SIPA1L1: variants seen among roughly 807,000 people sequenced by gnomAD.
SIPA1L1 encodes signal induced proliferation associated 1 like 1.
A neutral mutation model predicts 162.7 loss-of-function variants in SIPA1L1; 26 were observed. That is an observed-to-expected ratio of 0.16 (90% CI 0.12 to 0.22). The LOEUF is 0.22. Among genes scored for constraint, SIPA1L1 ranks in the 10% least tolerant of loss-of-function variants. The pLI is 1.00. For missense variants in SIPA1L1, 1,874 were observed against 2,241.0 expected, an observed-to-expected ratio of 0.84 and a Z score of 3.31; for synonymous variants, 829 against 837.4, an observed-to-expected ratio of 0.99 and a Z score of 0.17.
intron 4 of SIPA1L1, among the ~76,000 whole-genome samples, chr14:71,536,969 A>T (rs1328038048): frequency 6.6e-6 from 1 of 152,132 alleles, no homozygotes; most frequent in Non-Finnish European, 1.5e-5. Context: ...TGGAATATTT[A>T]GATTTTGTAT....
intron 2 of SIPA1L1, among the ~76,000 whole-genome samples, chr14:71,325,150 C>G (rs1415438447): frequency 6.6e-6 from 1 of 152,126 alleles, no homozygotes; most frequent in Admixed American, 6.5e-5. Flanking sequence ...TTCCACTATC[C>G]CTTGAGACTG....
At chr14:71,406,955 A>G (rs913030430) in intron 2 of SIPA1L1, among the ~76,000 whole-genome samples, 1 of 152,310 alleles carries the variant, frequency 6.6e-6, no homozygotes, top group East Asian at 1.9e-4. Flanking sequence ...GAAAGTAACT[A>G]AAGTAGCTGG....
chr14:71,668,832 A>T (rs2044258664), intron 10 of SIPA1L1, among the ~76,000 whole-genome samples: 1 of 152,244 alleles, frequency 6.6e-6, no homozygotes, highest in African/African-American at 2.4e-5. Context: ...TAATATACAT[A>T]CAGCCAAGCA....
At chr14:71,563,809 G>C (rs1245478545) in intron 4 of SIPA1L1, among the ~76,000 whole-genome samples, 1 of 152,130 alleles carries the variant, frequency 6.6e-6, no homozygotes, top group Non-Finnish European at 1.5e-5. Flanking sequence ...GCAATCTTAG[G>C]CAGTGGTCCT....
At chr14:71,451,019 T>A (rs2045778859) in intron 2 of SIPA1L1, among the ~76,000 whole-genome samples, 1 of 152,104 alleles carries the variant, frequency 6.6e-6, no homozygotes, top group Admixed American at 6.5e-5. Flanking sequence ...TAATAACAGA[T>A]CTGTGGGTAA....
At chr14:71,453,967 C>T (rs1400624867) in intron 2 of SIPA1L1, among the ~76,000 whole-genome samples, 1 of 142,260 alleles carries the variant, frequency 7.0e-6, no homozygotes, top group African/African-American at 2.7e-5. Flanking sequence ...GCACTCCCCT[C>T]CAGCCTGGGT....
intron 4 of SIPA1L1, among the ~76,000 whole-genome samples, chr14:71,579,730 G>T (rs1398822179): frequency 6.6e-6 from 1 of 152,104 alleles, no homozygotes; most frequent in African/African-American, 2.4e-5. Context: ...ATAATAGTTT[G>T]GATATTATGT....
At chr14:71,586,787 A>AG (rs2034666825) in intron 4 of SIPA1L1, 1 of 152,172 alleles carries the variant, frequency 6.6e-6, no homozygotes, top group African/African-American at 2.4e-5. Flanking sequence ...GATGGGGTGG[A>AG]GTAGGTTGTA....
intron 3 of SIPA1L1, among the ~76,000 whole-genome samples, chr14:71,522,289 A>G (rs1261306817): frequency 1.3e-5 from 2 of 151,908 alleles, no homozygotes; most frequent in Non-Finnish European, 2.9e-5. Flanking sequence ...TTTTACTTTT[A>G]TGTCTCTTGG....
At chr14:71,437,993 CTGTT>C (rs2044530453) in intron 2 of SIPA1L1, among the ~76,000 whole-genome samples, 1 of 152,152 alleles carries the variant, frequency 6.6e-6, no homozygotes, top group South Asian at 2.1e-4. Flanking sequence ...GACTCACATA[CTGTT>C]TTTTTCAGTA....
intron 4 of SIPA1L1, among the ~76,000 whole-genome samples, chr14:71,544,308 A>G (rs1241115558): frequency 2.0e-5 from 3 of 147,658 alleles, no homozygotes; most frequent in South Asian, 2.1e-4. Flanking sequence ...TCATGTGTGT[A>G]TATACATATA....
At chr14:71,376,110 T>G (rs1198492704) in intron 2 of SIPA1L1, among the ~76,000 whole-genome samples, 1 of 152,178 alleles carries the variant, frequency 6.6e-6, no homozygotes, top group East Asian at 1.9e-4. Flanking sequence ...TAGAATTGGT[T>G]TAATCTTTTT....
At chr14:71,356,567 CAA>C (rs71105772) in intron 2 of SIPA1L1, among the ~76,000 whole-genome samples, 13 of 39,172 alleles carry the variant, frequency 3.3e-4, no homozygotes, top group East Asian at 1.6e-3. Context: ...CTTGTCTCTA[CAA>C]AAAAAAAAAA....
At chr14:71,412,918 A>G (rs988710930) in intron 2 of SIPA1L1, among the ~76,000 whole-genome samples, 10 of 152,240 alleles carry the variant, frequency 6.6e-5, no homozygotes, top group Non-Finnish European at 1.2e-4. Context: ...CTTAGCATTC[A>G]TAGGAAATAC....
chr14:71,512,351 G>A (rs1002107234), intron 2 of SIPA1L1, among the ~76,000 whole-genome samples: 2 of 152,038 alleles, frequency 1.3e-5, no homozygotes, highest in South Asian at 2.1e-4. Context: ...AATATTTTAC[G>A]TTAAAATATG....
intron 4 of SIPA1L1, among the ~76,000 whole-genome samples, chr14:71,538,611 T>C (rs1012513479): frequency 6.6e-6 from 1 of 152,220 alleles, no homozygotes; most frequent in African/African-American, 2.4e-5. Flanking sequence ...AAGGTTGTAA[T>C]AGCGGCAGGG....
At chr14:71,506,037 G>T (rs966889485) in intron 2 of SIPA1L1, among the ~76,000 whole-genome samples, 2 of 150,458 alleles carry the variant, frequency 1.3e-5, no homozygotes, top group Non-Finnish European at 2.9e-5. Flanking sequence ...TTGGATAAGG[G>T]ATACTCATCC....
chr14:71,543,969 A>C (rs936834843), intron 4 of SIPA1L1, among the ~76,000 whole-genome samples: 91 of 150,308 alleles, frequency 6.1e-4, no homozygotes, highest in Non-Finnish European at 1.1e-3. Context: ...GTATGTATAT[A>C]TACACACACG....
At chr14:71,365,263 C>G (rs919039617) in intron 2 of SIPA1L1, among the ~76,000 whole-genome samples, 1 of 152,030 alleles carries the variant, frequency 6.6e-6, no homozygotes, top group East Asian at 1.9e-4. Flanking sequence ...ATCCTCCTGC[C>G]TCAGCCTCCC....
Sources: gnomAD v4.1 joint callset for allele counts (sites outside exome capture counted in the v4.1 genomes callset) on GRCh38, gnomAD v4.1.1 for gene constraint, MANE v1.5 for transcripts, NCBI Gene and HGNC (gene_info 2026-07-23, HGNC 2026-07-21) for gene names.